GRIA1: variants seen among roughly 807,000 people sequenced by gnomAD.
The protein encoded by GRIA1 is glutamate receptor 1.
GRIA1 carries 31 observed loss-of-function variants against 99.2 expected under a neutral mutation model. The ratio of observed to expected loss-of-function variants is 0.31; its 90% CI spans 0.23 to 0.42. The LOEUF (loss-of-function observed/expected upper bound fraction) is 0.42. Among genes scored for constraint, GRIA1 ranks in the 10% least tolerant of loss-of-function variants. The pLI, the probability that GRIA1 is intolerant of heterozygous loss-of-function variation, is 1.00. For synonymous variants in GRIA1, 438 were observed against 432.4 expected (o/e 1.01, Z -0.16); for missense variants, 782 against 1,157.5 (o/e 0.68, Z 4.71).
At chr5:153,668,010 G>T (rs1755871142) in intron 5 of GRIA1, among the ~76,000 whole-genome samples, 2 of 152,134 alleles carry the variant, frequency 1.3e-5, no homozygotes, top group South Asian at 2.1e-4. Flanking sequence ...TCAACATTGT[G>T]TTACCTCCTA....
intron 5 of GRIA1, among the ~76,000 whole-genome samples, chr5:153,656,938 A>G (rs1253678422): frequency 6.6e-6 from 1 of 152,162 alleles, no homozygotes; most frequent in Non-Finnish European, 1.5e-5. Context: ...AGCATGTCAT[A>G]TATGTGAAAT....
intron 13 of GRIA1, among the ~76,000 whole-genome samples, chr5:153,774,080 A>G (rs73801257): frequency 3.8e-5 from 1 of 26,306 alleles, no homozygotes; most frequent in Admixed American, 5.7e-4. Flanking sequence ...CCCTCCCCCC[A>G]CACACACACA....
At chr5:153,667,629 T>G (rs1370712705) in intron 5 of GRIA1, among the ~76,000 whole-genome samples, 2 of 152,228 alleles carry the variant, frequency 1.3e-5, no homozygotes, top group Non-Finnish European at 2.9e-5. Context: ...CGTTCACCAA[T>G]CCTGTGATGT....
intron 2 of GRIA1, among the ~76,000 whole-genome samples, chr5:153,501,620 T>TA (rs1208310118): frequency 2.0e-5 from 3 of 152,244 alleles, no homozygotes; most frequent in Non-Finnish European, 2.9e-5. Context: ...TGCTTGATAG[T>TA]ACTTTGCCAA....
intron 2 of GRIA1, among the ~76,000 whole-genome samples, chr5:153,499,356 T>A (rs1312037357): frequency 6.6e-6 from 1 of 151,986 alleles, no homozygotes; most frequent in Non-Finnish European, 1.5e-5. Context: ...TGGCTCACAC[T>A]TGTAATCCCA....
intron 7 of GRIA1, among the ~76,000 whole-genome samples, chr5:153,685,706 T>C (rs1032010431): frequency 6.6e-6 from 1 of 152,228 alleles, no homozygotes; most frequent in African/African-American, 2.4e-5. Flanking sequence ...AGTATTTTAT[T>C]CCCTGGACTC....
intron 2 of GRIA1, among the ~76,000 whole-genome samples, chr5:153,634,330 GAAA>G (rs34497962): frequency 7.0e-6 from 1 of 143,302 alleles, no homozygotes; most frequent in Non-Finnish European, 1.5e-5. Flanking sequence ...AAAAAAAAAA[GAAA>G]AAAAAAAGAG....
intron 14 of GRIA1, among the ~76,000 whole-genome samples, chr5:153,800,020 C>T (rs1165600249): frequency 6.6e-6 from 1 of 152,194 alleles, no homozygotes; most frequent in Non-Finnish European, 1.5e-5. Context: ...CCCATCACTC[C>T]CTTGTCCTTG....
intron 13 of GRIA1, among the ~76,000 whole-genome samples, chr5:153,787,747 A>G (rs1581657402): frequency 6.6e-6 from 1 of 152,270 alleles, no homozygotes; most frequent in African/African-American, 2.4e-5. Flanking sequence ...CAACTTGACC[A>G]TCTCCTTTGA....
At chr5:153,770,658 A>C (rs970012718) in intron 13 of GRIA1, among the ~76,000 whole-genome samples, 3 of 152,066 alleles carry the variant, frequency 2.0e-5, no homozygotes, top group Non-Finnish European at 2.9e-5. Context: ...CCCATGCCTC[A>C]CCTTCCTCCT....
intron 4 of GRIA1, among the ~76,000 whole-genome samples, chr5:153,651,407 T>C (rs956805307): frequency 6.6e-6 from 1 of 150,994 alleles, no homozygotes; most frequent in African/African-American, 2.4e-5. Context: ...TCCCCTGGTC[T>C]CAAAACAAAA....
chr5:153,632,705 G>C (rs970146530), intron 2 of GRIA1, among the ~76,000 whole-genome samples: 6 of 152,104 alleles, frequency 3.9e-5, no homozygotes, highest in Non-Finnish European at 5.9e-5. Flanking sequence ...TCAATAAACC[G>C]TTATTGAACA....
At chr5:153,681,489 A>G (rs1158092928) in intron 7 of GRIA1, among the ~76,000 whole-genome samples, 4 of 152,186 alleles carry the variant, frequency 2.6e-5, no homozygotes, top group East Asian at 1.9e-4. Flanking sequence ...GGGGATGTCA[A>G]TGATACCCAG....
At chr5:153,810,613 C>T (rs1766749133) in intron 15 of GRIA1, among the ~76,000 whole-genome samples, 1 of 152,208 alleles carries the variant, frequency 6.6e-6, no homozygotes, top group Non-Finnish European at 1.5e-5. Context: ...TATGTACAGT[C>T]ACATGACTAA....
intron 2 of GRIA1, among the ~76,000 whole-genome samples, chr5:153,599,394 A>G (rs1014860579): frequency 6.6e-6 from 1 of 152,098 alleles, no homozygotes; most frequent in African/African-American, 2.4e-5. Flanking sequence ...GCACTTAGAC[A>G]GTACAGCAAT....
At chr5:153,591,382 C>T (rs1323290707) in intron 2 of GRIA1, among the ~76,000 whole-genome samples, 1 of 152,178 alleles carries the variant, frequency 6.6e-6, no homozygotes, top group Non-Finnish European at 1.5e-5. Flanking sequence ...TTGTGCTAGA[C>T]ATTCAAGATA....
At position 153,537,177 on chromosome 5, in the gene GRIA1, T is replaced by C. The variant is rs150930411; in HGVS notation, c.220+43112T>C. On this transcript the variant is annotated intron_variant, in intron 2 of 15. Transcript: ENST00000285900. Reference sequence around the variant, plus strand: ...CGCCATACAGTGTGTGCCAGTAGATTATAAACTGCATAAGGAAAGAGATGA... The same window carrying C: ...CGCCATACAGTGTGTGCCAGTAGATCATAAACTGCATAAGGAAAGAGATGA... Among the ~76,000 whole-genome samples the C allele has an allele frequency of 1.6e-4, 24 of 152,270 alleles. No individual in the cohort carries two copies. In the East Asian group the frequency reaches 4.3e-3, roughly 27 times the overall value.
At chr5:153,641,189 C>T (rs1410134965) in intron 2 of GRIA1, among the ~76,000 whole-genome samples, 1 of 152,124 alleles carries the variant, frequency 6.6e-6, no homozygotes, top group Non-Finnish European at 1.5e-5. Flanking sequence ...ATGAAGCTGT[C>T]CTGTCACCTC....
At chr5:153,767,183 T>C (rs1466536888) in intron 12 of GRIA1, among the ~76,000 whole-genome samples, 1 of 152,246 alleles carries the variant, frequency 6.6e-6, no homozygotes, top group East Asian at 1.9e-4. Flanking sequence ...GTCATTGCAC[T>C]ACTTACAGAA....
Sources: allele counts gnomAD v4.1 joint callset (sites outside exome capture counted in the v4.1 genomes callset), GRCh38; gene constraint gnomAD v4.1.1; transcripts MANE v1.5; gene names NCBI Gene and HGNC (gene_info 2026-07-23, HGNC 2026-07-21).